WDFY3: variants seen among roughly 807,000 people sequenced by gnomAD.
The protein encoded by WDFY3 is WD repeat and FYVE domain containing 3, also known as WD repeat and FYVE domain-containing protein 3.
In WDFY3, 66 loss-of-function variants were observed where a neutral mutation model predicts 409.6. That is an observed-to-expected ratio of 0.16 (90% CI 0.13 to 0.20). The LOEUF is 0.20. Among genes scored for constraint, WDFY3 ranks in the 10% least tolerant of loss-of-function variants. WDFY3 has a pLI of 1.00. For missense variants in WDFY3, 3,031 were observed against 4,298.1 expected, an observed-to-expected ratio of 0.71 and a Z score of 8.24; for synonymous variants, 1,521 against 1,537.1, an observed-to-expected ratio of 0.99 and a Z score of 0.25.
At position 84,702,231 on chromosome 4, in the gene WDFY3, A is replaced by C; in HGVS notation, c.8596+122T>G. On this transcript the variant is annotated intron_variant, in intron 56 of 67. Coordinates refer to ENST00000295888, the MANE Select transcript of WDFY3 (RefSeq NM_014991.6). Reference sequence around the variant, plus strand: ...CACCCAATTACAGCAAATGACTGCAAGAAACTGTATCAAATTTTTTTCTTG... The same window carrying C: ...CACCCAATTACAGCAAATGACTGCACGAAACTGTATCAAATTTTTTTCTTG... 3 of 1,129,738 alleles carry C rather than the reference A, an allele frequency of 2.7e-6. No individual in the cohort carries two copies. In the South Asian group the frequency reaches 6.1e-5, roughly 23 times the overall value. 70.0% of individuals were successfully genotyped at this position (1,129,738 alleles called of 1,614,324 possible). A position where few individuals can be genotyped will look rare whatever the true frequency, so the allele number is the denominator to read the frequency against.
chr4:84,939,427 C>T (rs143208950), intron 1 of WDFY3, among the ~76,000 whole-genome samples: 2 of 152,072 alleles, frequency 1.3e-5, no homozygotes, highest in Non-Finnish European at 2.9e-5. Flanking sequence ...TTTAAGACAT[C>T]GAAAATATCC....
chr4:84,832,037 C>T (rs985062855), intron 7 of WDFY3, among the ~76,000 whole-genome samples: 7 of 152,146 alleles, frequency 4.6e-5, no homozygotes, highest in Non-Finnish European at 7.4e-5. Flanking sequence ...GATAGCTGCA[C>T]TGCCATGTTT....
At chr4:84,810,745 A>C (rs1560820434) in intron 13 of WDFY3, among the ~76,000 whole-genome samples, 1 of 152,186 alleles carries the variant, frequency 6.6e-6, no homozygotes, top group Non-Finnish European at 1.5e-5. Context: ...TCTAGAAGGG[A>C]TCACAGAGAT....
At chr4:84,757,425 T>G (rs1741656492) in intron 32 of WDFY3, among the ~76,000 whole-genome samples, 1 of 152,164 alleles carries the variant, frequency 6.6e-6, no homozygotes, top group Non-Finnish European at 1.5e-5. Flanking sequence ...AGTTTGAAAA[T>G]CCTTCTTAAG....
intron 35 of WDFY3, 145 bp downstream of exon 35, chr4:84,753,552 A>T (rs937256669): frequency 1.1e-6 from 1 of 898,810 alleles, no homozygotes; most frequent in African/African-American, 1.7e-5. Context: ...ACAATAATGC[A>T]AGAGGTGATG....
At chr4:84,693,135 AC>A in intron 58 of WDFY3, 103 bp from the exon 59 acceptor site, 1 of 1,160,168 alleles carries the variant, frequency 8.6e-7, no homozygotes, top group Non-Finnish European at 1.2e-6. Context: ...GTTCACAAGA[AC>A]TATTAGGTAC....
intron 2 of WDFY3, among the ~76,000 whole-genome samples, chr4:84,922,761 G>A (rs1177748864): frequency 6.6e-6 from 1 of 152,108 alleles, no homozygotes; most frequent in East Asian, 1.9e-4. Flanking sequence ...TTTGACTCAA[G>A]GGATCCTCCT....
rs746501883 is a variant in WDFY3, at chr4:84,682,444, A to T, written c.9753T>A (p.Val3251=). The T allele has an allele frequency of 1.9e-6, 3 of 1,613,750 alleles. No individual in the cohort carries two copies. The South Asian group carries it at 3.3e-5, about 18-fold the overall frequency. The part of the protein sequence containing the change: ...VRFWRMEFLQ[V]PETPAPEPAE... ...CAGGCTCAGGAGCTGGTGTTTCAGG[A>T]ACTTGCAAAAATTCCATTCTCCAAA... The change falls in exon 64 of 68, where the codon GTT becomes GTA. Residue 3251 remains valine, a synonymous_variant. Transcript: ENST00000295888.
At chr4:84,691,933 T>A in intron 59 of WDFY3, 148 bp from the exon 60 acceptor site, 1 of 832,922 alleles carries the variant, frequency 1.2e-6, no homozygotes. Context: ...AGAGCTGGGC[T>A]TTTGAATCTC....
At chr4:84,941,199 T>C (rs943672575) in intron 1 of WDFY3, among the ~76,000 whole-genome samples, 1 of 152,020 alleles carries the variant, frequency 6.6e-6, no homozygotes, top group Non-Finnish European at 1.5e-5. Context: ...CCAGGCAGCA[T>C]GATTATATAT....
chr4:84,821,487 G>C lies in WDFY3; in HGVS notation c.1188C>G (p.Thr396=). The C allele has an allele frequency of 6.2e-7, 1 of 1,613,770 alleles. No individual in the cohort carries two copies. The highest frequency in any genetic ancestry group is 8.5e-7 in the Non-Finnish European group (1 of 1,179,816). The part of the protein sequence containing the change: ...VLQNAFLKAK[T]SFLAQIILDA... ...CAAGGATGATTTGGGCAAGGAAGCTGGTTTTTGCTTTTAAAAATGCATTCT... is the reference window on the plus strand; with the variant it reads ...CAAGGATGATTTGGGCAAGGAAGCTCGTTTTTGCTTTTAAAAATGCATTCT... Residue 396 remains threonine (T), a synonymous_variant, in exon 11 of 68, where the codon ACC becomes ACG. Transcript: ENST00000295888.
chr4:84,673,343 G>T (rs1475498512), intron 67 of WDFY3, among the ~76,000 whole-genome samples: 1 of 152,156 alleles, frequency 6.6e-6, no homozygotes. Context: ...AGCTTGGGAG[G>T]TATGTCAATG....
intron 44 of WDFY3, among the ~76,000 whole-genome samples, chr4:84,728,908 AAAT>A (rs773817288): frequency 1.3e-4 from 20 of 152,184 alleles, no homozygotes; most frequent in Non-Finnish European, 2.8e-4. Flanking sequence ...AATTTCTAGC[AAAT>A]AATGTTATAG....
At chr4:84,779,715 C>G (rs969900171) in intron 26 of WDFY3, among the ~76,000 whole-genome samples, 11 of 152,058 alleles carry the variant, frequency 7.2e-5, no homozygotes, top group Non-Finnish European at 1.5e-4. Context: ...ACAGGGAGAG[C>G]CCTGAATCTA....
At chr4:84,919,851 T>C (rs1444618198) in intron 2 of WDFY3, among the ~76,000 whole-genome samples, 1 of 152,134 alleles carries the variant, frequency 6.6e-6, no homozygotes, top group Non-Finnish European at 1.5e-5. Flanking sequence ...GAGAATGAAC[T>C]AATACACATA....
intron 29 of WDFY3, among the ~76,000 whole-genome samples, chr4:84,773,806 C>T (rs550539428): frequency 7.2e-5 from 11 of 152,228 alleles, no homozygotes; most frequent in East Asian, 1.9e-4. Context: ...CTGCAACCTC[C>T]GCCTCCCGGG....
chr4:84,741,997 C>G, intron 37 of WDFY3, 76 bp from the exon 38 acceptor site: 3 of 1,357,316 alleles, frequency 2.2e-6, no homozygotes, highest in Non-Finnish European at 2.0e-6. Context: ...AAAAAAAAAT[C>G]AGGCTAAGGT....
chr4:84,798,389 AAC>A (rs1749886280), intron 17 of WDFY3, among the ~76,000 whole-genome samples: 2 of 152,238 alleles, frequency 1.3e-5, no homozygotes, highest in Non-Finnish European at 2.9e-5. Context: ...AATAAATTCC[AAC>A]AGACTAATTA....
At chr4:84,750,766 T>C (rs894754940) in intron 36 of WDFY3, among the ~76,000 whole-genome samples, 3 of 152,222 alleles carry the variant, frequency 2.0e-5, no homozygotes. Context: ...TGAGGTCACT[T>C]AAAGGCTTAG....
Sources: allele counts gnomAD v4.1 joint callset (sites outside exome capture counted in the v4.1 genomes callset), GRCh38; gene constraint gnomAD v4.1.1; transcripts MANE v1.5; gene names NCBI Gene and HGNC (gene_info 2026-07-23, HGNC 2026-07-21).